Variants in MGAT4C observed in about 807,000 individuals in gnomAD.
MGAT4C encodes MGAT4 family member C, also known as alpha-1,3-mannosyl-glycoprotein 4-beta-N-acetylglucosaminyltransferase C.
Under a neutral mutation model 40.1 loss-of-function variants are expected in MGAT4C, and 19 were observed. The observed-to-expected ratio is 0.47, with a 90% CI of 0.33 to 0.70. The LOEUF is 0.70. MGAT4C is among the 30% of genes least tolerant of loss of function. The pLI is 0.02. For missense variants in MGAT4C, 491 were observed against 563.2 expected, an observed-to-expected ratio of 0.87 and a Z score of 1.30; for synonymous variants, 181 against 187.1, an observed-to-expected ratio of 0.97 and a Z score of 0.27.
At chr12:86,728,483 C>T (rs750879227) in intron 1 of MGAT4C, among the ~76,000 whole-genome samples, 10 of 152,192 alleles carry the variant, frequency 6.6e-5, no homozygotes, top group East Asian at 5.8e-4. Flanking sequence ...CGGAGGTCAG[C>T]GGTTTGAGAC....
intron 1 of MGAT4C, among the ~76,000 whole-genome samples, chr12:86,765,479 A>G (rs1951488782): frequency 6.6e-6 from 1 of 152,224 alleles, no homozygotes; most frequent in Non-Finnish European, 1.5e-5. Context: ...CAATCCAGCA[A>G]GGCAGGCCAA....
chr12:86,216,933 T>C (rs1950695576), intron 1 of MGAT4C, among the ~76,000 whole-genome samples: 2 of 152,202 alleles, frequency 1.3e-5, no homozygotes, highest in Admixed American at 1.3e-4. Flanking sequence ...CTAGCTGCTT[T>C]GTCTCGTCTT....
chr12:86,601,348 C>A (rs1424824528), intron 2 of MGAT4C: 1 of 151,528 alleles, frequency 6.6e-6, no homozygotes, highest in African/African-American at 2.4e-5. Flanking sequence ...TTTTTCAAGC[C>A]CTCCCATGGC....
chr12:86,632,943 T>C (rs1274599523), intron 2 of MGAT4C, among the ~76,000 whole-genome samples: 1 of 151,982 alleles, frequency 6.6e-6, no homozygotes, highest in Non-Finnish European at 1.5e-5. Context: ...AAATAACTAT[T>C]GGGATTTAAT....
chr12:86,268,700 C>CATATACATATATATACACAT (rs1952854980), intron 4 of MGAT4C, among the ~76,000 whole-genome samples: 2 of 145,254 alleles, frequency 1.4e-5, no homozygotes, highest in Non-Finnish European at 3.0e-5. Flanking sequence ...TATATATACA[C>CATATACATATATATACACAT]ATATATATAT....
intron 2 of MGAT4C, among the ~76,000 whole-genome samples, chr12:86,604,022 G>A (rs1961951367): frequency 6.6e-6 from 1 of 151,270 alleles, no homozygotes; most frequent in Non-Finnish European, 1.5e-5. Context: ...ATAATTTTTT[G>A]TCAATTAAAC....
intron 1 of MGAT4C, among the ~76,000 whole-genome samples, chr12:86,220,005 T>C (rs1308630399): frequency 6.6e-6 from 1 of 152,168 alleles, no homozygotes; most frequent in East Asian, 1.9e-4. Context: ...ATTGGGTTTT[T>C]GGAATTAGCA....
At chr12:86,012,778 A>AACAACAACAACAACAACCACCACC (rs1308194133) in intron 2 of MGAT4C, among the ~76,000 whole-genome samples, 1 of 136,350 alleles carries the variant, frequency 7.3e-6, no homozygotes, top group African/African-American at 2.7e-5. Flanking sequence ...CAACAACAAC[A>AACAACAACAACAACAACCACCACC]ACCACCACCA....
At chr12:86,674,756 T>C (rs922354194) in intron 2 of MGAT4C, among the ~76,000 whole-genome samples, 4 of 152,146 alleles carry the variant, frequency 2.6e-5, no homozygotes, top group Non-Finnish European at 4.4e-5. Flanking sequence ...AATCATCCAA[T>C]GCAAGTAGTA....
intron 2 of MGAT4C, among the ~76,000 whole-genome samples, chr12:86,649,494 A>T (rs2136532997): frequency 1.3e-5 from 2 of 151,906 alleles, no homozygotes; most frequent in African/African-American, 4.8e-5. Context: ...TAGAATAAGG[A>T]TTATGCAGAG....
intron 2 of MGAT4C, among the ~76,000 whole-genome samples, chr12:86,583,576 T>C (rs959689568): frequency 6.6e-6 from 1 of 151,172 alleles, no homozygotes; most frequent in Non-Finnish European, 1.5e-5. Flanking sequence ...CCAAGTTTAA[T>C]ACTGTATTTA....
chr12:86,508,011 T>C (rs1453520264), intron 2 of MGAT4C, among the ~76,000 whole-genome samples: 1 of 152,092 alleles, frequency 6.6e-6, no homozygotes, highest in South Asian at 2.1e-4. Flanking sequence ...ATGGACATTT[T>C]AAAAATATTA....
At chr12:86,551,870 G>T (rs890874390) in intron 2 of MGAT4C, among the ~76,000 whole-genome samples, 1 of 151,944 alleles carries the variant, frequency 6.6e-6, no homozygotes, top group Non-Finnish European at 1.5e-5. Context: ...TTACACTATT[G>T]TGTCCAACTA....
chr12:86,446,658 C>CATAT (rs34157468), intron 2 of MGAT4C, among the ~76,000 whole-genome samples: 832 of 35,264 alleles, frequency 0.024, 54 homozygotes, highest in Non-Finnish European at 0.031. Context: ...TCATGTAACT[C>CATAT]ATATATATAT....
chr12:86,362,854 G>A (rs182964775), intron 3 of MGAT4C, among the ~76,000 whole-genome samples: 41 of 103,164 alleles, frequency 4.0e-4, no homozygotes, highest in Non-Finnish European at 6.3e-4. Flanking sequence ...GTGACAGAGC[G>A]AGACTCCATC....
At chr12:86,427,997 G>A (rs1956961711) in intron 3 of MGAT4C, among the ~76,000 whole-genome samples, 1 of 151,926 alleles carries the variant, frequency 6.6e-6, no homozygotes, top group Non-Finnish European at 1.5e-5. Flanking sequence ...TCCAGCCAGG[G>A]AGACAGAGCG....
At chr12:86,615,219 T>C (rs1287346268) in intron 2 of MGAT4C, among the ~76,000 whole-genome samples, 1 of 152,018 alleles carries the variant, frequency 6.6e-6, no homozygotes, top group East Asian at 1.9e-4. Context: ...TCACTTCTAA[T>C]TGATATATCA....
chr12:86,790,666 A>T (rs1952006828), intron 1 of MGAT4C, among the ~76,000 whole-genome samples: 1 of 152,148 alleles, frequency 6.6e-6, no homozygotes, highest in Non-Finnish European at 1.5e-5. Flanking sequence ...AAGAAGTTTC[A>T]TACAGTATTG....
chr12:86,713,421 T>A (rs1950593504), intron 2 of MGAT4C, among the ~76,000 whole-genome samples: 1 of 152,092 alleles, frequency 6.6e-6, no homozygotes, highest in African/African-American at 2.4e-5. Context: ...AAAATATTCA[T>A]TCATCTTTTT....
Sources: allele counts gnomAD v4.1 joint callset (sites outside exome capture counted in the v4.1 genomes callset), GRCh38; gene constraint gnomAD v4.1.1; transcripts MANE v1.5; gene names NCBI Gene and HGNC (gene_info 2026-07-23, HGNC 2026-07-21).